The following CERT1 variants were observed in gnomAD, a reference collection of about 807,000 sequenced individuals.
CERT1 encodes the protein ceramide transporter 1, also known as ceramide transfer protein.
Under a neutral mutation model 87.9 loss-of-function variants are expected in CERT1, and 31 were observed. That is an observed-to-expected ratio of 0.35 (90% CI 0.27 to 0.48). The LOEUF (loss-of-function observed/expected upper bound fraction) is 0.48, where lower values mean the gene tolerates loss of function less well. Among genes scored for constraint, CERT1 ranks in the 20% least tolerant of loss-of-function variants. The pLI is 0.99. For missense variants in CERT1, 487 were observed against 758.0 expected, an observed-to-expected ratio of 0.64 and a Z score of 4.20; for synonymous variants, 289 against 250.9, an observed-to-expected ratio of 1.15 and a Z score of -1.44.
rs541569257 is a variant in CERT1 at position 75,398,998 on chromosome 5, T to C, written c.1188+312A>G. Among the ~76,000 whole-genome samples, 3 of 152,314 alleles carry C rather than the reference T, an allele frequency of 2.0e-5. No individual in the cohort carries two copies. The East Asian group carries it at 5.8e-4, about 29-fold the overall frequency. On this transcript the variant is annotated intron_variant, in intron 11 of 16. Transcript: ENST00000643780. ...GACCACGTCCATCAAAACTGCTAAA[T>C]CCTGACTGAAGAAACAGATATTACA... is the stretch of plus-strand genomic sequence containing the variant.
At chr5:75,421,287 T>C (rs1763368964) in intron 5 of CERT1, among the ~76,000 whole-genome samples, 1 of 152,228 alleles carries the variant, frequency 6.6e-6, no homozygotes, top group Admixed American at 6.5e-5. Context: ...CGATACCTTA[T>C]TTCCCTTCTT....
In CERT1 at chr5:75,511,327, T is replaced by A; in HGVS notation, c.-120A>T. On this transcript the variant is annotated 5_prime_UTR_variant, in exon 1 of 17. Coordinates refer to ENST00000643780, the MANE Select transcript of CERT1 (RefSeq NM_001379029.1). ...GAAGCGAAGAGTGCCCGCTCCGGTGTGGGGGGGAGCAGGAGGAGGGACGAA... is the reference window on the plus strand; with the variant it reads ...GAAGCGAAGAGTGCCCGCTCCGGTGAGGGGGGGAGCAGGAGGAGGGACGAA... 1 of 1,544,726 alleles carries A rather than the reference T, an allele frequency of 6.5e-7. No homozygotes were observed. The highest frequency in any genetic ancestry group is 8.7e-7 in the Non-Finnish European group (1 of 1,145,872).
Position 75,511,596 on chromosome 5 carries a change from T to C in CERT1, c.-389A>G. ...GTCCCGCGTCCACTCACACCTCCGC[T>C]ACCGCCGCCATCTTCCTGCCTGGCC... is the stretch of plus-strand genomic sequence containing the variant. On this transcript the variant is annotated 5_prime_UTR_variant, in exon 1 of 17. Transcript: ENST00000643780. 5 of 1,466,400 alleles carry C rather than the reference T, an allele frequency of 3.4e-6. No individual in the cohort carries two copies. The highest frequency in any genetic ancestry group is 4.5e-6 in the Non-Finnish European group (5 of 1,108,946). The allele number at this position is 1,466,400 out of a possible 1,614,324, so 90.8% of individuals were successfully genotyped here.
At chr5:75,497,396 T>C (rs1251481877) in intron 2 of CERT1, among the ~76,000 whole-genome samples, 1 of 152,214 alleles carries the variant, frequency 6.6e-6, no homozygotes, top group Non-Finnish European at 1.5e-5. Flanking sequence ...ACTTAGACAT[T>C]ATCCCCCTTG....
At chr5:75,443,762 T>A (rs1437168712) in intron 3 of CERT1, among the ~76,000 whole-genome samples, 1 of 152,224 alleles carries the variant, frequency 6.6e-6, no homozygotes, top group Non-Finnish European at 1.5e-5. Context: ...ATTGAATTAT[T>A]ATTGTAGAAC....
At chr5:75,489,202 A>C (rs1766662131) in intron 2 of CERT1, among the ~76,000 whole-genome samples, 1 of 152,210 alleles carries the variant, frequency 6.6e-6, no homozygotes, top group South Asian at 2.1e-4. Flanking sequence ...ATATGCAGAA[A>C]ACTGAAACTG....
chr5:75,403,151 C>A (rs1375342059), intron 8 of CERT1, 93 bp from the exon 9 acceptor site: 1 of 805,138 alleles, frequency 1.2e-6, no homozygotes, highest in South Asian at 1.5e-5. Flanking sequence ...GAAAATTGAC[C>A]TAATAAACAT....
chr5:75,380,504 C>T (rs113610293), intron 16 of CERT1, among the ~76,000 whole-genome samples: 56 of 152,096 alleles, frequency 3.7e-4, no homozygotes, highest in African/African-American at 8.7e-4. Flanking sequence ...AATATGAAGG[C>T]TAGGTCGAGC....
intron 3 of CERT1, among the ~76,000 whole-genome samples, chr5:75,446,312 C>T (rs1764533067): frequency 6.6e-6 from 1 of 152,120 alleles, no homozygotes; most frequent in Admixed American, 6.5e-5. Flanking sequence ...ATTTCAGTTA[C>T]TAGAGTTTCT....
At chr5:75,461,192 G>A (rs538841236) in intron 2 of CERT1, among the ~76,000 whole-genome samples, 1 of 152,132 alleles carries the variant, frequency 6.6e-6, no homozygotes, top group Non-Finnish European at 1.5e-5. Flanking sequence ...TTAGTAACTG[G>A]GCCGCACAGC....
At chr5:75,402,417 T>G (rs1762530508) in intron 9 of CERT1, 1 of 152,230 alleles carries the variant, frequency 6.6e-6, no homozygotes, top group Non-Finnish European at 1.5e-5. Flanking sequence ...TTTAAGTTCA[T>G]GTTAATTACG....
At chr5:75,388,627 T>TATATATATATCTCATGCATGC (rs1346077207) in intron 12 of CERT1, among the ~76,000 whole-genome samples, 47 of 124,820 alleles carry the variant, frequency 3.8e-4, no homozygotes, top group South Asian at 2.3e-4. Flanking sequence ...TATATATATA[T>TATATATATATCTCATGCATGC]ATATATATAT....
At chr5:75,379,653 T>C (rs773729999) in intron 16 of CERT1, among the ~76,000 whole-genome samples, 180 bp from the exon 17 acceptor site, 6 of 152,172 alleles carry the variant, frequency 3.9e-5, no homozygotes, top group Non-Finnish European at 7.4e-5. Flanking sequence ...TGGCGCGATC[T>C]TGGCTCACTG....
intron 2 of CERT1, among the ~76,000 whole-genome samples, chr5:75,478,909 T>TAA (rs11438163): frequency 0.027 from 580 of 21,766 alleles, 126 homozygotes; most frequent in African/African-American, 0.068. Flanking sequence ...AAGTAAGTAC[T>TAA]AAAAAAAAAA....
intron 14 of CERT1, among the ~76,000 whole-genome samples, 179 bp from the exon 15 acceptor site, chr5:75,382,256 T>C (rs1761618372): frequency 6.6e-6 from 1 of 152,184 alleles, no homozygotes; most frequent in South Asian, 2.1e-4. Context: ...CAGAACAATA[T>C]AATAAAAGGA....
chr5:75,424,977 G>A (rs890661813), intron 5 of CERT1, among the ~76,000 whole-genome samples: 1 of 152,032 alleles, frequency 6.6e-6, no homozygotes, highest in African/African-American at 2.4e-5. Flanking sequence ...AATTAGCTGG[G>A]TGTGGTGATG....
At chr5:75,398,638 A>C (rs1179002291) in intron 11 of CERT1, among the ~76,000 whole-genome samples, 1 of 152,190 alleles carries the variant, frequency 6.6e-6, no homozygotes, top group African/African-American at 2.4e-5. Context: ...GACACTAAAA[A>C]AAACTTCTTC....
chr5:75,479,999 T>C (rs1010491156), intron 2 of CERT1, among the ~76,000 whole-genome samples: 1 of 152,182 alleles, frequency 6.6e-6, no homozygotes, highest in Non-Finnish European at 1.5e-5. Flanking sequence ...AGGTGTGAGA[T>C]GGTATCTTAT....
intron 4 of CERT1, among the ~76,000 whole-genome samples, 171 bp from the exon 5 acceptor site, chr5:75,425,670 G>T (rs1247558377): frequency 1.3e-5 from 2 of 152,200 alleles, no homozygotes; most frequent in Non-Finnish European, 2.9e-5. Context: ...TGAAACTGAT[G>T]AATCTATTGG....
Sources: allele counts gnomAD v4.1 joint callset (sites outside exome capture counted in the v4.1 genomes callset), GRCh38; gene constraint gnomAD v4.1.1; transcripts MANE v1.5; gene names NCBI Gene and HGNC (gene_info 2026-07-23, HGNC 2026-07-21).